MAML2: variants seen among roughly 807,000 people sequenced by gnomAD.
The protein encoded by MAML2 is mastermind-like protein 2.
MAML2 carries 22 observed loss-of-function variants against 96.1 expected under a neutral mutation model. The observed-to-expected ratio is 0.23, with a 90% CI of 0.16 to 0.33. The LOEUF (loss-of-function observed/expected upper bound fraction) is 0.33, where lower values mean the gene tolerates loss of function less well. Ranked by LOEUF, MAML2 falls within the 10% of genes least tolerant of loss-of-function variation. MAML2 has a pLI of 1.00. For synonymous variants in MAML2, 561 were observed against 521.3 expected (o/e 1.08, Z -1.04); for missense variants, 1,367 against 1,392.4 (o/e 0.98, Z 0.29).
chr11:96,240,500 G>A (rs1229606428), intron 1 of MAML2, among the ~76,000 whole-genome samples: 3 of 131,646 alleles, frequency 2.3e-5, no homozygotes, highest in Non-Finnish European at 4.7e-5. Flanking sequence ...GCAGTGAGCC[G>A]AGATTGCGCC....
intron 1 of MAML2, among the ~76,000 whole-genome samples, chr11:96,145,172 G>A (rs949565551): frequency 6.6e-6 from 1 of 152,182 alleles, no homozygotes; most frequent in Non-Finnish European, 1.5e-5. Context: ...TCAGAGAGGT[G>A]GCATGCTTTA....
intron 1 of MAML2, among the ~76,000 whole-genome samples, chr11:96,333,413 T>C (rs1044628831): frequency 5.9e-5 from 9 of 152,208 alleles, no homozygotes; most frequent in Middle Eastern, 3.4e-3. Context: ...GGACAATAAA[T>C]CCATCCTTGC....
chr11:96,135,239 G>T (rs1269073277), intron 1 of MAML2, among the ~76,000 whole-genome samples: 2 of 152,080 alleles, frequency 1.3e-5, no homozygotes, highest in East Asian at 3.8e-4. Context: ...CTTCTACCAC[G>T]GTATGACACA....
At position 96,092,612 on chromosome 11, in the gene MAML2, A is replaced by C. The variant is rs1173999811; in HGVS notation, c.1419T>G (p.Gly473=). 6.2e-7 allele frequency: 1 copy of C among 1,612,718 alleles called. No individual in the cohort carries two copies. Among genetic ancestry groups the C allele is most frequent in the Non-Finnish European group, 8.5e-7 (1 of 1,179,128 alleles). ...TGGGGATTTTCTCCTGCCCAAATGG[A>C]CCTGGTGATGGTCCAGCAGAAGAGG... ...ALPSSAGPSP[G]PFGQEKIPSP... Residue 473 remains glycine (G), a synonymous_variant, in exon 2 of 5, where the codon GGT becomes GGG. Transcript: ENST00000524717. This position sits in a 1 kb window ranked among gnomAD's most constrained non-coding sequence, Gnocchi z 4.1.
chr11:96,324,198 T>C (rs1863745232), intron 1 of MAML2, among the ~76,000 whole-genome samples: 2 of 152,344 alleles, frequency 1.3e-5, no homozygotes, highest in South Asian at 4.1e-4. Context: ...CCTGCTGTAT[T>C]CAAATTCTGA....
rs1182772361 is a variant in MAML2 at position 95,978,858 on chromosome 11, C to A, written c.*90G>T. 8.6e-7 allele frequency: 1 copy of A among 1,167,666 alleles called. No individual in the cohort carries two copies. The highest frequency in any genetic ancestry group is 2.5e-5 in the East Asian group (1 of 39,690). 72.3% of individuals were successfully genotyped at this position (1,167,666 alleles called of 1,614,324 possible). A position where few individuals can be genotyped will look rare whatever the true frequency, so the allele number is the denominator to read the frequency against. On this transcript the variant is annotated 3_prime_UTR_variant, in exon 5 of 5. Coordinates refer to ENST00000524717, the MANE Select transcript of MAML2 (RefSeq NM_032427.4). ...AAGCATGTTATCTTCATGTAGTCCA[C>A]CTGAACATCAACAGTTCAGCCTCTA...
chr11:96,113,184 A>AAAAAC (rs1555011415), intron 1 of MAML2, among the ~76,000 whole-genome samples: 8 of 148,258 alleles, frequency 5.4e-5, no homozygotes, highest in East Asian at 2.0e-4. Flanking sequence ...AAAAAAAAAA[A>AAAAAC]AAAAAACTTT....
At chr11:96,323,988 T>C (rs759888309) in intron 1 of MAML2, among the ~76,000 whole-genome samples, 2 of 152,270 alleles carry the variant, frequency 1.3e-5, no homozygotes, top group African/African-American at 2.4e-5. Flanking sequence ...CTGTGGCCCC[T>C]AGACATTCAT....
intron 1 of MAML2, 138 bp from the exon 2 acceptor site, chr11:96,093,655 G>A (rs965207835): frequency 6.3e-6 from 4 of 639,708 alleles, no homozygotes; most frequent in East Asian, 2.7e-5. Context: ...GGCACAGAGA[G>A]AGCACAAATG....
intron 1 of MAML2, among the ~76,000 whole-genome samples, chr11:96,281,544 T>C (rs1258787062): frequency 2.0e-5 from 3 of 152,050 alleles, no homozygotes; most frequent in Non-Finnish European, 4.4e-5. Context: ...ATAATAGTTT[T>C]TTTCCCTGTT....
At position 95,977,673 on chromosome 11, in the gene MAML2, CTT is replaced by C. The variant is rs142483301; in HGVS notation, c.*1273_*1274del. 0.029 allele frequency: 6,281 copies of C among 218,878 alleles called. 384 individuals are homozygous for C. Among genetic ancestry groups the C allele is most frequent in the African/African-American group, 0.13 (5,802 of 44,618 alleles). 13.6% of individuals were successfully genotyped at this position (218,878 alleles called of 1,614,324 possible). On this transcript the variant is annotated 3_prime_UTR_variant, in exon 5 of 5. Transcript: ENST00000524717. Reference sequence around the variant, plus strand: ...AAGGTTAAATGACTCAACAAAAACTCTTTAATACAGTGCTCAGCCCTGAGGGA... The same window carrying C: ...AAGGTTAAATGACTCAACAAAAACTCTAATACAGTGCTCAGCCCTGAGGGA...
chr11:96,314,221 C>G (rs1372002332), intron 1 of MAML2, among the ~76,000 whole-genome samples: 1 of 152,190 alleles, frequency 6.6e-6, no homozygotes, highest in Non-Finnish European at 1.5e-5. Flanking sequence ...AAACCAATAC[C>G]AAAACGGGAC....
At chr11:96,296,935 G>C (rs577524569) in intron 1 of MAML2, among the ~76,000 whole-genome samples, 1 of 152,314 alleles carries the variant, frequency 6.6e-6, no homozygotes, top group African/African-American at 2.4e-5. Context: ...CAGTCATTTA[G>C]TCTCCTGTAG....
chr11:96,028,216 CATA>C (rs921007184), intron 2 of MAML2, among the ~76,000 whole-genome samples: 1 of 152,194 alleles, frequency 6.6e-6, no homozygotes, highest in Non-Finnish European at 1.5e-5. Context: ...GATTTTTCCT[CATA>C]TATTTGCTCC....
intron 2 of MAML2, among the ~76,000 whole-genome samples, chr11:96,057,610 A>T (rs1032692066): frequency 6.6e-6 from 1 of 152,210 alleles, no homozygotes; most frequent in Admixed American, 6.5e-5. Context: ...CAATTATTTT[A>T]AAAAGATTCA....
At position 96,254,766 on chromosome 11, in the gene MAML2, A is replaced by G. The variant is rs1321260493; in HGVS notation, c.513+86617T>C. ...AATGTGCTGAAATTTTTGCAATGTAACAAAATGGAATATATTTGTCAGAGG... is the reference window on the plus strand; with the variant it reads ...AATGTGCTGAAATTTTTGCAATGTAGCAAAATGGAATATATTTGTCAGAGG... On this transcript the variant is annotated intron_variant, in intron 1 of 4. Coordinates refer to ENST00000524717, the MANE Select transcript of MAML2 (RefSeq NM_032427.4). 1.6e-4 allele frequency among the ~76,000 whole-genome samples: 25 copies of G among 152,182 alleles called. 1 individual carries two copies. The highest frequency in any genetic ancestry group is 1.6e-3 in the Admixed American group (25 of 15,272).
At chr11:96,064,234 A>C (rs911566987) in intron 2 of MAML2, among the ~76,000 whole-genome samples, 2 of 152,184 alleles carry the variant, frequency 1.3e-5, no homozygotes, top group Non-Finnish European at 2.9e-5. Flanking sequence ...TCAGTAATGA[A>C]CCATCTGTGT....
At chr11:95,981,567 T>C (rs1443109364) in intron 4 of MAML2, among the ~76,000 whole-genome samples, 1 of 152,148 alleles carries the variant, frequency 6.6e-6, no homozygotes, top group East Asian at 1.9e-4. Context: ...GAGGGCCAAA[T>C]GAACACAGTA....
intron 1 of MAML2, among the ~76,000 whole-genome samples, chr11:96,131,976 C>CTCCA (rs1201624349): frequency 6.6e-6 from 1 of 152,160 alleles, no homozygotes; most frequent in African/African-American, 2.4e-5. Flanking sequence ...TGCTATTGCA[C>CTCCA]TCCAGCCTGG....
Sources: gnomAD v4.1 joint callset for allele counts (sites outside exome capture counted in the v4.1 genomes callset) on GRCh38, gnomAD v4.1.1 for gene constraint, Gnocchi (gnomAD v3.1) non-coding constraint, MANE v1.5 for transcripts, NCBI Gene and HGNC (gene_info 2026-07-23, HGNC 2026-07-21) for gene names.